The following PIK3R1 variants were observed in gnomAD, a reference collection of about 807,000 sequenced individuals.
PIK3R1 encodes the protein phosphoinositide-3-kinase regulatory subunit 1, also known as phosphatidylinositol 3-kinase regulatory subunit alpha.
Under a neutral mutation model 98.0 loss-of-function variants are expected in PIK3R1, and 29 were observed. That is an observed-to-expected ratio of 0.30 (90% CI 0.22 to 0.40). The LOEUF is 0.40. Among genes scored for constraint, PIK3R1 ranks in the 10% least tolerant of loss-of-function variants. The pLI is 1.00. For missense variants in PIK3R1, 596 were observed against 872.7 expected, an observed-to-expected ratio of 0.68 and a Z score of 3.99; for synonymous variants, 282 against 311.8, an observed-to-expected ratio of 0.90 and a Z score of 1.01.
intron 4 of PIK3R1, among the ~76,000 whole-genome samples, chr5:68,279,243 G>A (rs1267851345): frequency 6.6e-6 from 1 of 152,178 alleles, no homozygotes; most frequent in Non-Finnish European, 1.5e-5. Flanking sequence ...TGGGACAGAG[G>A]ATGGGGTAGG....
At chr5:68,261,606 A>G (rs1232332703) in intron 2 of PIK3R1, among the ~76,000 whole-genome samples, 3 of 152,200 alleles carry the variant, frequency 2.0e-5, no homozygotes, top group African/African-American at 7.2e-5. Context: ...TATGGGCTAA[A>G]ATGAATGTCT....
chr5:68,299,048 C>T lies in PIK3R1; in HGVS notation c.*1447C>T, dbSNP rs1016379514. On this transcript the variant is annotated 3_prime_UTR_variant, in exon 16 of 16. Coordinates refer to ENST00000521381, the MANE Select transcript of PIK3R1 (RefSeq NM_181523.3). ...TTATCAATTAATGACAATTACAAAC[C>T]TACTGTATCTCTAATACAGTGTGAC... 17 of 233,444 alleles carry T rather than the reference C, an allele frequency of 7.3e-5. No individual in the cohort carries two copies. The highest frequency in any genetic ancestry group is 3.7e-4 in the African/African-American group (17 of 45,344). 14.5% of individuals were successfully genotyped at this position (233,444 alleles called of 1,614,324 possible).
At chr5:68,248,820 A>T (rs1362323128) in intron 2 of PIK3R1, among the ~76,000 whole-genome samples, 1 of 152,200 alleles carries the variant, frequency 6.6e-6, no homozygotes, top group African/African-American at 2.4e-5. Context: ...GTTACAAAGC[A>T]ACATATTGAT....
intron 7 of PIK3R1, among the ~76,000 whole-genome samples, chr5:68,283,794 C>T (rs1746955346): frequency 1.3e-5 from 2 of 152,232 alleles, no homozygotes; most frequent in South Asian, 2.1e-4. Context: ...CCGCCTCCTA[C>T]ACTCCAGCCC....
Position 68,299,544 on chromosome 5 carries a change from A to G in PIK3R1, c.*1943A>G, listed in dbSNP as rs1747926350. On this transcript the variant is annotated 3_prime_UTR_variant, in exon 16 of 16. Coordinates refer to ENST00000521381, the MANE Select transcript of PIK3R1 (RefSeq NM_181523.3). Reference sequence around the variant, plus strand: ...CTGGTATGTTCAGTAGGAACTGTACATGTGTTGGGAGGCATAAAGACTAAT... The same window carrying G: ...CTGGTATGTTCAGTAGGAACTGTACGTGTGTTGGGAGGCATAAAGACTAAT... The G allele has an allele frequency of 8.6e-6, 2 of 233,114 alleles. No individual in the cohort carries two copies. Among genetic ancestry groups the G allele is most frequent in the Admixed American group, 1.1e-4 (2 of 17,774 alleles). 14.4% of individuals were successfully genotyped at this position (233,114 alleles called of 1,614,324 possible).
intron 3 of PIK3R1, chr5:68,273,694 G>A: frequency 3.4e-6 from 2 of 591,576 alleles, no homozygotes; most frequent in Non-Finnish European, 6.0e-6. Flanking sequence ...GTTTCCATAT[G>A]GAAACTATTA....
intron 2 of PIK3R1, among the ~76,000 whole-genome samples, chr5:68,229,842 T>C (rs2111976299): frequency 6.6e-6 from 1 of 152,356 alleles, no homozygotes; most frequent in East Asian, 1.9e-4. Context: ...TAGGAAATCT[T>C]ATATACGGCA....
At chr5:68,286,469 C>T in intron 7 of PIK3R1, among the ~76,000 whole-genome samples, 1 of 152,074 alleles carries the variant, frequency 6.6e-6, no homozygotes, top group East Asian at 1.9e-4. Flanking sequence ...TGGTTTTCTC[C>T]CAAAGCAGGA....
rs368138177 is a variant in PIK3R1 at position 68,279,741 on chromosome 5, T to G, written c.634+8T>G. 3.1e-6 allele frequency: 5 copies of G among 1,613,924 alleles called. No homozygotes were observed. The African/African-American group carries it at 6.7e-5, about 22-fold the overall frequency. ...TGATTTCTTTAGCTCCAGGTTTGTT[T>G]TTTCTCTTCTGGGAACCTCATTGAA... On this transcript the variant is annotated splice_region_variant and intron_variant, in intron 5 of 15. Transcript: ENST00000521381.
intron 14 of PIK3R1, chr5:68,295,731 CCTGAA>C (rs1747678449): frequency 3.8e-6 from 2 of 526,894 alleles, no homozygotes; most frequent in African/African-American, 1.9e-5. Flanking sequence ...TAATGATGTC[CCTGAA>C]CATCTGAAAA....
chr5:68,230,339 G>A (rs538840926), intron 2 of PIK3R1, among the ~76,000 whole-genome samples: 6 of 152,260 alleles, frequency 3.9e-5, no homozygotes, highest in Non-Finnish European at 7.4e-5. Flanking sequence ...GATCTTTGTG[G>A]TCCCCCATTA....
At chr5:68,234,984 G>A (rs2111995399) in intron 2 of PIK3R1, among the ~76,000 whole-genome samples, 1 of 152,236 alleles carries the variant, frequency 6.6e-6, no homozygotes, top group South Asian at 2.1e-4. Context: ...TTGGTAAAAT[G>A]CAGTTTTCAG....
At chr5:68,290,693 T>C (rs1457891953) in intron 7 of PIK3R1, 1 of 1,592,614 alleles carries the variant, frequency 6.3e-7, no homozygotes, top group Non-Finnish European at 8.5e-7. Context: ...GACTCTTTTC[T>C]TATAACTGAG....
chr5:68,226,651 G>A lies in PIK3R1; in HGVS notation c.-25G>A. ...CTGCTCTGTACAACCAGGCTCAACT[G>A]TTGCATGGTAGCAGATTTGCAAACA... On this transcript the variant is annotated 5_prime_UTR_variant, in exon 2 of 16. Transcript: ENST00000521381. The A allele has an allele frequency of 1.3e-6, 2 of 1,578,876 alleles. No individual in the cohort carries two copies. The highest frequency in any genetic ancestry group is 1.1e-5 in the South Asian group (1 of 90,258).
Position 68,293,161 on chromosome 5 carries a change from G to T in PIK3R1, c.1080G>T (p.Ala360=). Residue 360 remains alanine, a synonymous_variant, in exon 9 of 16, where the codon GCG becomes GCT. Coordinates refer to ENST00000521381, the MANE Select transcript of PIK3R1 (RefSeq NM_181523.3). ...TADGTFLVRD[A]STKMHGDYTL... is the part of the protein sequence containing the mutation. The stretch of plus-strand genomic sequence containing the variant: ...ACGGGACCTTTTTGGTACGAGATGC[G>T]TCTACTAAAATGCATGGTGATTATA... The T allele has an allele frequency of 6.2e-7, 1 of 1,613,756 alleles. No homozygotes were observed. The highest frequency in any genetic ancestry group is 8.5e-7 in the Non-Finnish European group (1 of 1,179,780).
In PIK3R1 at chr5:68,257,797, C is replaced by T. The variant is rs181543562; in HGVS notation, c.335-15593C>T. 2.3e-3 allele frequency among the ~76,000 whole-genome samples: 352 copies of T among 152,278 alleles called. 1 individual carries two copies. Among genetic ancestry groups the T allele is most frequent in the African/African-American group, 8.1e-3 (338 of 41,558 alleles). ...CAGGAACTAACATTTCCAAAGGAAA[C>T]TCCCTTGCCTATAATTCCCTGTTAT... is the stretch of plus-strand genomic sequence containing the variant. On this transcript the variant is annotated intron_variant, in intron 2 of 15. Transcript: ENST00000521381.
In PIK3R1 at chr5:68,231,334, C is replaced by T. The variant is rs567208528; in HGVS notation, c.334+4325C>T. The stretch of plus-strand genomic sequence containing the variant: ...ACCTGCACAACCCTCCCTGGCTCCT[C>T]CTGCAGCCTCTGACAGTGGATTTCA... On this transcript the variant is annotated intron_variant, in intron 2 of 15. Coordinates refer to ENST00000521381, the MANE Select transcript of PIK3R1 (RefSeq NM_181523.3). Among the ~76,000 whole-genome samples the T allele has an allele frequency of 5.3e-5, 8 of 152,336 alleles. No homozygotes were observed. The South Asian group carries it at 1.7e-3, about 32-fold the overall frequency.
intron 2 of PIK3R1, among the ~76,000 whole-genome samples, chr5:68,251,663 G>A (rs1463048272): frequency 6.6e-6 from 1 of 152,200 alleles, no homozygotes; most frequent in East Asian, 1.9e-4. Context: ...AAAAAAGTAG[G>A]AAGCTTTTTT....
chr5:68,257,897 T>C (rs1327953506), intron 2 of PIK3R1, among the ~76,000 whole-genome samples: 1 of 152,232 alleles, frequency 6.6e-6, no homozygotes, highest in Non-Finnish European at 1.5e-5. Flanking sequence ...TCGTATAATC[T>C]GAGTTTGGGA....
Sources: allele counts gnomAD v4.1 joint callset (sites outside exome capture counted in the v4.1 genomes callset), GRCh38; gene constraint gnomAD v4.1.1; transcripts MANE v1.5; gene names NCBI Gene and HGNC (gene_info 2026-07-23, HGNC 2026-07-21).